DCC: variants seen among roughly 807,000 people sequenced by gnomAD.
The protein encoded by DCC is netrin receptor DCC.
A neutral mutation model predicts 172.5 loss-of-function variants in DCC; 58 were observed. That is an observed-to-expected ratio of 0.34 (90% CI 0.27 to 0.42). DCC has a LOEUF of 0.42. DCC is among the 10% of genes least tolerant of loss of function. DCC has a pLI of 1.00. For synonymous variants in DCC, 709 were observed against 644.5 expected (o/e 1.10, Z -1.52); for missense variants, 1,740 against 1,791.0 (o/e 0.97, Z 0.51).
chr18:52,831,931 C>T (rs912804932), intron 2 of DCC, among the ~76,000 whole-genome samples: 1 of 151,956 alleles, frequency 6.6e-6, no homozygotes, highest in Non-Finnish European at 1.5e-5. Context: ...GGCCAGTGCC[C>T]GAGCCCTGCA....
At chr18:52,414,603 A>G (rs9956738) in intron 1 of DCC, among the ~76,000 whole-genome samples, 7,056 of 152,204 alleles carry the variant, frequency 0.046, 288 homozygotes, top group South Asian at 0.097. Flanking sequence ...CATTAACTGC[A>G]TAGACAGCTG....
At chr18:52,885,579 A>G (rs1568167929) in intron 2 of DCC, among the ~76,000 whole-genome samples, 1 of 152,156 alleles carries the variant, frequency 6.6e-6, no homozygotes, top group Non-Finnish European at 1.5e-5. Flanking sequence ...GGACAATGGC[A>G]GGTCCAGACA....
intron 1 of DCC, among the ~76,000 whole-genome samples, chr18:52,427,141 G>C (rs938700544): frequency 1.3e-5 from 2 of 152,080 alleles, no homozygotes; most frequent in African/African-American, 4.8e-5. Context: ...CTTACTACTG[G>C]AAGGGAAATT....
intron 15 of DCC, among the ~76,000 whole-genome samples, chr18:53,357,795 G>A (rs1183896375): frequency 6.6e-6 from 1 of 152,134 alleles, no homozygotes; most frequent in Non-Finnish European, 1.5e-5. Flanking sequence ...TGCAGCAATA[G>A]TGAACACGGA....
At chr18:53,499,598 T>C in intron 27 of DCC, 88 bp downstream of exon 27, 2 of 1,059,254 alleles carry the variant, frequency 1.9e-6, no homozygotes, top group Non-Finnish European at 2.9e-6. Context: ...AAGGCCTAGA[T>C]GTCATATATC....
chr18:52,943,944 G>A (rs866147810), intron 5 of DCC, among the ~76,000 whole-genome samples: 2 of 152,062 alleles, frequency 1.3e-5, no homozygotes, highest in Non-Finnish European at 2.9e-5. Context: ...TTTTATTAGA[G>A]GCAGAGTTTT....
chr18:53,493,790 C>G (rs1173115458), intron 26 of DCC, among the ~76,000 whole-genome samples: 1 of 151,784 alleles, frequency 6.6e-6, no homozygotes, highest in Non-Finnish European at 1.5e-5. Context: ...TTAGTTATTT[C>G]TTGTCTTCTG....
At chr18:52,616,143 G>C (rs781210467) in intron 1 of DCC, among the ~76,000 whole-genome samples, 54 of 152,102 alleles carry the variant, frequency 3.6e-4, no homozygotes, top group Non-Finnish European at 7.1e-4. Flanking sequence ...TAAACTCTCA[G>C]CATTATTTGG....
Position 53,170,698 on chromosome 18 carries a change from A to G in DCC, c.1419-8264A>G, listed in dbSNP as rs143160977. On this transcript the variant is annotated intron_variant, in intron 8 of 28. Coordinates refer to ENST00000442544, the MANE Select transcript of DCC (RefSeq NM_005215.4). ...GTATTTTTCTTTAGATATTTTACCTACAGCATTTCATTTAATTCTTTCAGA... is the reference window on the plus strand; with the variant it reads ...GTATTTTTCTTTAGATATTTTACCTGCAGCATTTCATTTAATTCTTTCAGA... Among the ~76,000 whole-genome samples the G allele has an allele frequency of 5.1e-3, 779 of 152,302 alleles. 5 individuals carry two copies. Among genetic ancestry groups the G allele is most frequent in the Admixed American group, 7.8e-3 (119 of 15,286 alleles).
intron 1 of DCC, among the ~76,000 whole-genome samples, chr18:52,515,819 G>A (rs2031619130): frequency 1.4e-5 from 2 of 147,096 alleles, no homozygotes; most frequent in African/African-American, 2.5e-5. Context: ...ACAAGCTACA[G>A]ACTAGGAGAA....
At chr18:53,360,264 G>A (rs1378921223) in intron 15 of DCC, among the ~76,000 whole-genome samples, 1 of 151,974 alleles carries the variant, frequency 6.6e-6, no homozygotes, top group Non-Finnish European at 1.5e-5. Flanking sequence ...GATATATTTG[G>A]CAAGTTAAAG....
chr18:52,944,510 A>G (rs929973977), intron 5 of DCC, among the ~76,000 whole-genome samples: 1 of 152,210 alleles, frequency 6.6e-6, no homozygotes, highest in African/African-American at 2.4e-5. Context: ...GAGTTTTACA[A>G]GCAAAAGCAT....
chr18:52,505,179 G>C (rs1457120446), intron 1 of DCC, among the ~76,000 whole-genome samples: 1 of 151,144 alleles, frequency 6.6e-6, no homozygotes, highest in South Asian at 2.1e-4. Flanking sequence ...GCAAACAGTT[G>C]GTTTCTGTCT....
chr18:53,067,921 A>T (rs2042597163), intron 7 of DCC, among the ~76,000 whole-genome samples: 1 of 152,168 alleles, frequency 6.6e-6, no homozygotes, highest in Non-Finnish European at 1.5e-5. Context: ...TATTGTATGC[A>T]CCCCAGCCAG....
intron 1 of DCC, among the ~76,000 whole-genome samples, chr18:52,364,960 CA>C (rs1984781507): frequency 6.6e-6 from 1 of 151,938 alleles, no homozygotes; most frequent in African/African-American, 2.4e-5. Context: ...TTTGTCATAG[CA>C]GAAAACTCTA....
At chr18:52,802,645 T>C (rs796924694) in intron 2 of DCC, among the ~76,000 whole-genome samples, 34 of 25,474 alleles carry the variant, frequency 1.3e-3, no homozygotes, top group African/African-American at 7.3e-3. Flanking sequence ...CGCCAAGCCT[T>C]TTTTTTTTTT....
At chr18:53,087,453 GT>G (rs1376910441) in intron 7 of DCC, among the ~76,000 whole-genome samples, 1 of 151,154 alleles carries the variant, frequency 6.6e-6, no homozygotes, top group African/African-American at 2.4e-5. Flanking sequence ...GGGGTTGTTT[GT>G]TTTTTTCTTG....
chr18:53,441,022 C>G (rs1189974511), intron 22 of DCC, among the ~76,000 whole-genome samples: 1 of 152,180 alleles, frequency 6.6e-6, no homozygotes, highest in South Asian at 2.1e-4. Context: ...GCATCTCTGG[C>G]CTTTACCCAC....
At chr18:53,020,873 G>C (rs1223475807) in intron 5 of DCC, among the ~76,000 whole-genome samples, 1 of 152,096 alleles carries the variant, frequency 6.6e-6, no homozygotes, top group Non-Finnish European at 1.5e-5. Flanking sequence ...AGAGCCTGCG[G>C]ATTAATGGTA....
Sources: gnomAD v4.1 joint callset for allele counts (sites outside exome capture counted in the v4.1 genomes callset) on GRCh38, gnomAD v4.1.1 for gene constraint, MANE v1.5 for transcripts, NCBI Gene and HGNC (gene_info 2026-07-23, HGNC 2026-07-21) for gene names.